NRXN2: variants seen among roughly 807,000 people sequenced by gnomAD.
The protein encoded by NRXN2 is neurexin 2, also known as neurexin-2-beta.
In NRXN2, 29 loss-of-function variants were observed where a neutral mutation model predicts 128.8. The ratio of observed to expected loss-of-function variants is 0.23; its 90% CI spans 0.17 to 0.31. The LOEUF (loss-of-function observed/expected upper bound fraction) is 0.31, where lower values mean the gene tolerates loss of function less well. NRXN2 is among the 10% of genes least tolerant of loss of function. The probability of loss-of-function intolerance (pLI) is 1.00; values close to 1 mark genes in which losing one functional copy is unlikely to be tolerated. For missense variants in NRXN2, 1,881 were observed against 2,452.6 expected (o/e 0.77, Z 4.92); for synonymous variants, 1,098 against 1,075.2 (o/e 1.02, Z -0.41).
At chr11:64,704,521 C>T (rs2055943533) in intron 2 of NRXN2, among the ~76,000 whole-genome samples, 1 of 151,704 alleles carries the variant, frequency 6.6e-6, no homozygotes, top group South Asian at 2.1e-4. Context: ...CTCTCAGGCC[C>T]TAGCCAGAGT....
intron 3 of NRXN2, among the ~76,000 whole-genome samples, chr11:64,693,288 G>A (rs2054084008): frequency 6.6e-6 from 1 of 150,952 alleles, no homozygotes; most frequent in Non-Finnish European, 1.5e-5. Context: ...TAGGCTAGGA[G>A]GGTTGCTTTT....
At chr11:64,658,464 G>A (rs576700727) in intron 11 of NRXN2, among the ~76,000 whole-genome samples, 1 of 152,344 alleles carries the variant, frequency 6.6e-6, no homozygotes, top group Non-Finnish European at 1.5e-5. Flanking sequence ...CCGCTCTACA[G>A]GCTGTGATCG....
chr11:64,713,663 G>A lies in NRXN2; in HGVS notation c.37C>T (p.Pro13Ser). 8.4e-7 allele frequency: 1 copy of A among 1,192,748 alleles called. No individual in the cohort carries two copies. The highest frequency in any genetic ancestry group is 1.0e-6 in the Non-Finnish European group (1 of 962,334). 73.9% of individuals were successfully genotyped at this position (1,192,748 alleles called of 1,614,324 possible). Residue 13 changes from proline (P) to serine (S), a missense_variant, in exon 2 of 23, where the codon CCG becomes TCG. Coordinates refer to ENST00000265459, the MANE Select transcript of NRXN2 (RefSeq NM_015080.4). ...GCCAGCAGCAGCAGCAACAGCAGCG[G>A]CGGCGGTGTCGGCCGCCACCGGCTC... ...SGSRWRPTPPPLLLLLLLALA... is the reference protein window; with the variant it reads ...SGSRWRPTPPSLLLLLLLALA...
chr11:64,626,877 G>A (rs1168248662), intron 19 of NRXN2, among the ~76,000 whole-genome samples: 1 of 152,228 alleles, frequency 6.6e-6, no homozygotes, highest in African/African-American at 2.4e-5. Context: ...AAGCTGCTGT[G>A]GCCCCCTTCC....
At chr11:64,626,400 T>G in intron 20 of NRXN2, 63 bp downstream of exon 20, 1 of 1,337,856 alleles carries the variant, frequency 7.5e-7, no homozygotes, top group South Asian at 1.2e-5. Flanking sequence ...AAGAGAGAGC[T>G]CTGCACCTTT....
chr11:64,676,493 G>A (rs886788772), intron 7 of NRXN2: 1 of 168,878 alleles, frequency 5.9e-6, no homozygotes, highest in African/African-American at 2.4e-5. Flanking sequence ...TCAAACTTGA[G>A]CGGCCCTGTC....
intron 22 of NRXN2, among the ~76,000 whole-genome samples, chr11:64,613,801 T>G (rs1184685051): frequency 6.6e-6 from 1 of 152,138 alleles, no homozygotes; most frequent in Non-Finnish European, 1.5e-5. Context: ...AACACAAACC[T>G]GAGAAGGCAC....
chr11:64,686,565 T>C (rs1172902331), intron 5 of NRXN2, among the ~76,000 whole-genome samples: 4 of 152,124 alleles, frequency 2.6e-5, no homozygotes, highest in African/African-American at 7.2e-5. Context: ...ACGAAGGCGA[T>C]GCAGGTGACA....
Position 64,630,311 on chromosome 11 carries a change from C to A in NRXN2, c.3757+91G>T. On this transcript the variant is annotated intron_variant, in intron 19 of 22. Coordinates refer to ENST00000265459, the MANE Select transcript of NRXN2 (RefSeq NM_015080.4). The surrounding 1 kb of genome is among the most constrained non-coding windows in gnomAD (Gnocchi z 4.6). ...GAGCCGCTTAGCCCCGCCCCAGAGC[C>A]GCTTAGCCCCGCCCCGGTGCGGCCG... 7.9e-7 allele frequency: 1 copy of A among 1,265,536 alleles called. No homozygotes were observed. The highest frequency in any genetic ancestry group is 1.4e-5 in the South Asian group (1 of 69,116). The allele number at this position is 1,265,536 out of a possible 1,614,324, so 78.4% of individuals were successfully genotyped here. A position where few individuals can be genotyped will look rare whatever the true frequency, so the allele number is the denominator to read the frequency against.
chr11:64,616,790 T>C (rs932171377), intron 22 of NRXN2, among the ~76,000 whole-genome samples: 4 of 152,124 alleles, frequency 2.6e-5, no homozygotes, highest in African/African-American at 7.2e-5. Context: ...CATGCACACA[T>C]AGCTCAGAAC....
intron 9 of NRXN2, among the ~76,000 whole-genome samples, chr11:64,666,995 C>A (rs1266777161): frequency 1.3e-5 from 2 of 152,176 alleles, no homozygotes; most frequent in Non-Finnish European, 2.9e-5. Flanking sequence ...GATAAGGAAA[C>A]AGAGTCTCAC....
chr11:64,670,524 C>T (rs976696919), intron 7 of NRXN2, among the ~76,000 whole-genome samples: 1 of 152,092 alleles, frequency 6.6e-6, no homozygotes, highest in Non-Finnish European at 1.5e-5. Flanking sequence ...CCATCCAGCC[C>T]TCCACCTCCA....
rs780628019 is a variant in NRXN2 at position 64,648,375 on chromosome 11, G to A, written c.3284-37C>T. 6.2e-7 allele frequency: 1 copy of A among 1,613,606 alleles called. No homozygotes were observed. The highest frequency in any genetic ancestry group is 8.5e-7 in the Non-Finnish European group (1 of 1,179,896). ...AGGAGAAAGGAACACCCCTGGCTCA[G>A]CCAAGCCCCCTCTTTCCCCAGGAGG... On this transcript the variant is annotated intron_variant, in intron 16 of 22. Coordinates refer to ENST00000265459, the MANE Select transcript of NRXN2 (RefSeq NM_015080.4). The surrounding 1 kb of genome is among the most constrained non-coding windows in gnomAD (Gnocchi z 4.1).
intron 22 of NRXN2, 32 bp downstream of exon 22, chr11:64,620,262 C>G: frequency 6.6e-7 from 1 of 1,524,580 alleles, no homozygotes. Context: ...CGCAGAGGGA[C>G]CCGGGGCAGG....
At chr11:64,637,011 G>T (rs979235168) in intron 17 of NRXN2, among the ~76,000 whole-genome samples, 2 of 152,124 alleles carry the variant, frequency 1.3e-5, no homozygotes, top group African/African-American at 4.8e-5. Context: ...GAGAAGGGAA[G>T]ATTGTTGCCT....
intron 7 of NRXN2, among the ~76,000 whole-genome samples, chr11:64,671,434 A>G (rs1193843145): frequency 2.0e-5 from 3 of 152,140 alleles, no homozygotes; most frequent in Admixed American, 1.3e-4. Flanking sequence ...AGCAGGAAAC[A>G]GGGGAATAAT....
chr11:64,685,454 G>A (rs544365205), intron 6 of NRXN2, among the ~76,000 whole-genome samples, 192 bp downstream of exon 6: 79 of 152,208 alleles, frequency 5.2e-4, no homozygotes, highest in African/African-American at 1.7e-3. Context: ...TCAGCTCCCT[G>A]GTCTCTGAAG....
At chr11:64,610,424 G>A (rs1420108421) in intron 22 of NRXN2, among the ~76,000 whole-genome samples, 1 of 152,132 alleles carries the variant, frequency 6.6e-6, no homozygotes, top group Non-Finnish European at 1.5e-5. Flanking sequence ...CCGGGGAAGG[G>A]CTAGATCTCA....
intron 2 of NRXN2, 65 bp downstream of exon 2, chr11:64,712,905 C>G (rs2057084940): frequency 1.4e-6 from 2 of 1,408,154 alleles, no homozygotes; most frequent in Admixed American, 2.2e-5. Context: ...ACTCCGACCC[C>G]CACGAAGCGC....
Sources: allele counts gnomAD v4.1 joint callset (sites outside exome capture counted in the v4.1 genomes callset), GRCh38; gene constraint gnomAD v4.1.1; non-coding constraint Gnocchi (gnomAD v3.1); transcripts MANE v1.5; gene names NCBI Gene and HGNC (gene_info 2026-07-23, HGNC 2026-07-21).